ZNF3: variants seen among roughly 807,000 people sequenced by gnomAD.
ZNF3 encodes the protein zinc finger protein 3.
ZNF3 carries 16 observed loss-of-function variants against 36.9 expected under a neutral mutation model. The observed-to-expected ratio is 0.43, with a 90% CI of 0.29 to 0.66. ZNF3 has a LOEUF of 0.66. Among genes scored for constraint, ZNF3 ranks in the 30% least tolerant of loss-of-function variants. ZNF3 has a pLI of 0.13. For synonymous variants in ZNF3, 201 were observed against 201.9 expected (o/e 1.00, Z 0.04); for missense variants, 462 against 543.1 (o/e 0.85, Z 1.48).
At chr7:100,066,742 ATAAAT>A (rs1792671196), downstream of ZNF3, among the ~76,000 whole-genome samples, 1 of 151,546 alleles carries the variant, frequency 6.6e-6, no homozygotes, top group Admixed American at 6.6e-5. Context: ...ATCTCAAACA[ATAAAT>A]AAATAGGCCG....
Position 100,064,595 on chromosome 7 carries a change from C to G in ZNF3, c.*193G>C, listed in dbSNP as rs112128894. 12 of 1,613,992 alleles carry G rather than the reference C, an allele frequency of 7.4e-6. No homozygotes were observed. Among genetic ancestry groups the G allele is most frequent in the Non-Finnish European group, 9.3e-6 (11 of 1,179,920 alleles). ...CTTTCCAAACATCAGCGAGTCCACA[C>G]TGGAGAGGGAGAAGCACCGTAACTT... On this transcript the variant is annotated 3_prime_UTR_variant, in exon 6 of 6. Coordinates refer to the ZNF3 transcript ENST00000413658.
At chr7:100,079,265 G>A (rs941807262) in intron 2 of ZNF3, 2 of 152,260 alleles carry the variant, frequency 1.3e-5, no homozygotes, top group Non-Finnish European at 2.9e-5. Flanking sequence ...GCAGGTCAAA[G>A]GTCTGACTCC....
Position 100,071,944 on chromosome 7 carries a change from G to A in ZNF3, c.540C>T (p.Ser180=). Reference sequence around the variant, plus strand: ...AGATAAGGTTGGAATTCACAGTGAAGCTGTTCCCAAAATCATTATATTTCT... The same window carrying A: ...AGATAAGGTTGGAATTCACAGTGAAACTGTTCCCAAAATCATTATATTTCT... ...RSEKYNDFGN[S]FTVNSNLISH... is the part of the protein sequence containing the mutation. The change falls in exon 6 of 6, where the codon AGC becomes AGT. Residue 180 remains serine, a synonymous_variant. Transcript: ENST00000299667. 1 of 1,614,212 alleles carries A rather than the reference G, an allele frequency of 6.2e-7. No individual in the cohort carries two copies. Among genetic ancestry groups the A allele is most frequent in the Non-Finnish European group, 8.5e-7 (1 of 1,180,036 alleles).
Position 100,077,384 on chromosome 7 carries a change from C to G in ZNF3, c.-27G>C. On this transcript the variant is annotated 5_prime_UTR_variant, in exon 3 of 6. Coordinates refer to ENST00000299667, the MANE Select transcript of ZNF3 (RefSeq NM_032924.5). The stretch of plus-strand genomic sequence containing the variant: ...GAAGGGCAAGGTGCTCTCTGGTCTC[C>G]TGGGTGCAGACTCAGCGGGAAGCGG... The G allele has an allele frequency of 6.2e-7, 1 of 1,613,484 alleles. No homozygotes were observed. The highest frequency in any genetic ancestry group is 8.5e-7 in the Non-Finnish European group (1 of 1,179,882).
chr7:100,070,469 A>AG lies in ZNF3; in HGVS notation c.*673dup. ...GCTGTTTGGACAGATTTGCCCATTC[A>AG]GCCCCAGGACAACTGGGGGGGATGG... On this transcript the variant is annotated 3_prime_UTR_variant, in exon 6 of 6. Transcript: ENST00000299667. The AG allele has an allele frequency of 2.0e-6, 2 of 985,544 alleles. No individual in the cohort carries two copies. Among genetic ancestry groups the AG allele is most frequent in the Non-Finnish European group, 2.4e-6 (2 of 830,082 alleles). The allele number at this position is 985,544 out of a possible 1,614,324, so 61.0% of individuals were successfully genotyped here.
chr7:100,080,685 C>T (rs1391790894), intron 1 of ZNF3, among the ~76,000 whole-genome samples: 2 of 152,096 alleles, frequency 1.3e-5, no homozygotes, highest in African/African-American at 4.8e-5. Context: ...TGGTGGCGGG[C>T]GCCTGTAGTC....
chr7:100,079,245 T>A (rs1217943367), intron 2 of ZNF3: 5 of 152,124 alleles, frequency 3.3e-5, no homozygotes, highest in Non-Finnish European at 7.3e-5. Context: ...CAGTACAAAC[T>A]CCTAGAAAGG....
At chr7:100,072,494 C>G (rs1407512752) in intron 5 of ZNF3, among the ~76,000 whole-genome samples, 1 of 152,110 alleles carries the variant, frequency 6.6e-6, no homozygotes. Flanking sequence ...AGGGAACCAA[C>G]TTTAGAAGAG....
downstream of ZNF3, among the ~76,000 whole-genome samples, chr7:100,068,688 C>CT (rs1460204076): frequency 1.3e-5 from 2 of 151,950 alleles, no homozygotes. Flanking sequence ...ATTTTTGAGA[C>CT]TGTCTTGCTC....
At chr7:100,077,479 T>C (rs957274686) in intron 2 of ZNF3, 46 bp from the exon 3 acceptor site, 2 of 1,541,696 alleles carry the variant, frequency 1.3e-6, no homozygotes, top group African/African-American at 2.8e-5. Context: ...CAAAAAAACC[T>C]CCTGAATACA....
At chr7:100,080,353 C>T (rs943668040) in intron 1 of ZNF3, among the ~76,000 whole-genome samples, 1 of 152,106 alleles carries the variant, frequency 6.6e-6, no homozygotes, top group Non-Finnish European at 1.5e-5. Flanking sequence ...GACTGGCGAC[C>T]TGCAGTGGCT....
intron 3 of ZNF3, 58 bp from the exon 4 acceptor site, chr7:100,075,688 T>C: frequency 6.4e-7 from 1 of 1,556,542 alleles, no homozygotes; most frequent in Non-Finnish European, 8.8e-7. Context: ...CCTCCCAACC[T>C]GCTGACTTCC....
At position 100,070,159 on chromosome 7, in the gene ZNF3, TTTTTTTG is replaced by T. The variant is rs910317310; in HGVS notation, c.*977_*983del. ...GCCTTCTCTGGGCTTCGTTTTTTTG[TTTTTTTG>T]TTTTTTTTTTCTCCCTTTTGGGCTT... is the stretch of plus-strand genomic sequence containing the variant. On this transcript the variant is annotated 3_prime_UTR_variant, in exon 6 of 6. Transcript: ENST00000299667. 55 of 966,494 alleles carry T rather than the reference TTTTTTTG, an allele frequency of 5.7e-5. 1 individual carries two copies. In the Middle Eastern group the frequency reaches 1.6e-3, roughly 29 times the overall value. 59.9% of individuals were successfully genotyped at this position (966,494 alleles called of 1,614,324 possible).
At chr7:100,069,688 A>G (rs879721666), downstream of ZNF3, among the ~76,000 whole-genome samples, 20 of 151,310 alleles carry the variant, frequency 1.3e-4, no homozygotes, top group South Asian at 4.2e-4. Flanking sequence ...ATCTCAGCTC[A>G]CCACAACCTG....
intron 3 of ZNF3, 198 bp downstream of exon 3, chr7:100,077,105 A>C (rs1289070184): frequency 1.7e-6 from 1 of 592,770 alleles, no homozygotes; most frequent in Non-Finnish European, 3.0e-6. Context: ...AATCTGCCTC[A>C]ATTATCAAAC....
chr7:100,064,464 A>C, exon 6 of ZNF3: 1 of 1,614,018 alleles, frequency 6.2e-7, no homozygotes, highest in Admixed American at 1.7e-5. Context: ...AGTGTGGGAA[A>C]GCCTTCAACC....
exon 6 of ZNF3, chr7:100,064,759 T>C: frequency 6.2e-7 from 1 of 1,614,006 alleles, no homozygotes; most frequent in Non-Finnish European, 8.5e-7. Context: ...GAGTGCGAGC[T>C]CCACAGCAAC....
chr7:100,075,280 G>A lies in ZNF3; in HGVS notation c.145-19C>T, dbSNP rs1793890782. ...CCAGCTCCTGAAACAACACGTGCTGGCATGCAATTTCAGGGTGAGGAATGT... is the reference window on the plus strand; with the variant it reads ...CCAGCTCCTGAAACAACACGTGCTGACATGCAATTTCAGGGTGAGGAATGT... On this transcript the variant is annotated intron_variant, in intron 4 of 5. Coordinates refer to ENST00000299667, the MANE Select transcript of ZNF3 (RefSeq NM_032924.5). The A allele has an allele frequency of 1.9e-6, 3 of 1,614,036 alleles. No homozygotes were observed. The East Asian group carries it at 6.7e-5, about 36-fold the overall frequency.
At chr7:100,066,165 C>T (rs1048613391), downstream of ZNF3, among the ~76,000 whole-genome samples, 12 of 152,048 alleles carry the variant, frequency 7.9e-5, no homozygotes, top group Admixed American at 7.2e-4. Context: ...TATCAGCCTT[C>T]TCATCAACTC....
Sources: gnomAD v4.1 joint callset for allele counts (sites outside exome capture counted in the v4.1 genomes callset) on GRCh38, gnomAD v4.1.1 for gene constraint, MANE v1.5 for transcripts, NCBI Gene and HGNC (gene_info 2026-07-23, HGNC 2026-07-21) for gene names.